Variants in MXD1 observed in about 807,000 individuals in gnomAD.
MXD1 encodes MAX dimerization protein 1, also known as MAX-binding protein.
A neutral mutation model predicts 25.7 loss-of-function variants in MXD1; 9 were observed. That is an observed-to-expected ratio of 0.35 (90% CI 0.21 to 0.61). The LOEUF is 0.61. Among genes scored for constraint, MXD1 ranks in the 20% least tolerant of loss-of-function variants. The pLI is 0.75. For missense variants in MXD1, 227 were observed against 292.4 expected (o/e 0.78, Z 1.63); for synonymous variants, 99 against 113.9 (o/e 0.87, Z 0.83).
chr2:69,930,390 T>C (rs1677256686), intron 3 of MXD1, among the ~76,000 whole-genome samples: 1 of 152,196 alleles, frequency 6.6e-6, no homozygotes, highest in Non-Finnish European at 1.5e-5. Flanking sequence ...TCAGGACACT[T>C]GCTCCTGCAG....
chr2:69,937,525 A>G, intron 5 of MXD1, 131 bp downstream of exon 5: 1 of 860,168 alleles, frequency 1.2e-6, no homozygotes. Context: ...GAAGTCGAAC[A>G]GTGTGACCTC....
chr2:69,934,361 G>C (rs2104202999), intron 3 of MXD1, among the ~76,000 whole-genome samples: 1 of 152,296 alleles, frequency 6.6e-6, no homozygotes, highest in East Asian at 1.9e-4. Context: ...CTAGAATAAA[G>C]CACAAACCAT....
chr2:69,934,743 T>C (rs1275545645), intron 3 of MXD1, among the ~76,000 whole-genome samples: 1 of 152,234 alleles, frequency 6.6e-6, no homozygotes, highest in East Asian at 1.9e-4. Flanking sequence ...CTGGAAAATC[T>C]TTCCTAATAG....
chr2:69,925,370 A>C (rs1262469835), intron 3 of MXD1, among the ~76,000 whole-genome samples: 2 of 152,188 alleles, frequency 1.3e-5, no homozygotes, highest in Non-Finnish European at 2.9e-5. Flanking sequence ...CACTCAGAGA[A>C]AACCAATGGA....
rs1677327519 is a variant in MXD1, at chr2:69,932,979, G to T, written c.204-2372G>T. On this transcript the variant is annotated intron_variant, in intron 3 of 5. Transcript: ENST00000264444. The stretch of plus-strand genomic sequence containing the variant: ...TTTGGGAGGCTGAGGCAGGCAGATT[G>T]CTTGAGGTCAGGAGTTCGAGACCAG... Among the ~76,000 whole-genome samples the T allele has an allele frequency of 2.0e-5, 3 of 152,064 alleles. No individual in the cohort carries two copies. In the South Asian group the frequency reaches 6.2e-4, roughly 32 times the overall value.
chr2:69,915,283 C>A lies in MXD1; in HGVS notation c.-48C>A. On this transcript the variant is annotated 5_prime_UTR_variant, in exon 1 of 6. Transcript: ENST00000264444. The surrounding 1 kb of genome is among the most constrained non-coding windows in gnomAD (Gnocchi z 5.8). ...ACAGCGGTCCGGCGGCGGCAGCGAG[C>A]CCGTGGGCAGTGGGGGTTGGTCCCG... The A allele has an allele frequency of 7.7e-7, 1 of 1,296,138 alleles. No individual in the cohort carries two copies. Among genetic ancestry groups the A allele is most frequent in the South Asian group, 2.4e-5 (1 of 40,946 alleles). The allele number at this position is 1,296,138 out of a possible 1,614,324, so 80.3% of individuals were successfully genotyped here. A position where few individuals can be genotyped will look rare whatever the true frequency, so the allele number is the denominator to read the frequency against.
In MXD1 at chr2:69,915,232, C is replaced by T; in HGVS notation, c.-99C>T. On this transcript the variant is annotated 5_prime_UTR_variant, in exon 1 of 6. Coordinates refer to ENST00000264444, the MANE Select transcript of MXD1 (RefSeq NM_002357.4). This position sits in a 1 kb window ranked among gnomAD's most constrained non-coding sequence, Gnocchi z 5.8. ...TGCTCCGCGGGGTCCACAGCGGGCT[C>T]CACAGCGGGCTCCATAGCGGGCTCC... is the stretch of plus-strand genomic sequence containing the variant. 8.9e-7 allele frequency: 1 copy of T among 1,118,480 alleles called. No homozygotes were observed. Among genetic ancestry groups the T allele is most frequent in the Non-Finnish European group, 1.2e-6 (1 of 862,148 alleles). 69.3% of individuals were successfully genotyped at this position (1,118,480 alleles called of 1,614,324 possible). A position where few individuals can be genotyped will look rare whatever the true frequency, so the allele number is the denominator to read the frequency against.
chr2:69,928,703 CAAA>C (rs35921399), intron 3 of MXD1, among the ~76,000 whole-genome samples: 12 of 128,152 alleles, frequency 9.4e-5, no homozygotes, highest in Admixed American at 1.6e-4. Flanking sequence ...CCATCTGTAC[CAAA>C]AAAAAAAAAA....
At chr2:69,931,216 T>C (rs984756219) in intron 3 of MXD1, among the ~76,000 whole-genome samples, 4 of 152,168 alleles carry the variant, frequency 2.6e-5, no homozygotes, top group African/African-American at 9.7e-5. Flanking sequence ...TTTAAAAATA[T>C]ACAATTATTT....
rs1297939414 is a variant in MXD1 at position 69,940,902 on chromosome 2, GC to G, written c.*2621del. ...CCGCGCCCCGTGCGGCTGATCGGCAGCCCTGATTCGCCAATTTGTCCTCTCT... is the reference window on the plus strand; with the variant it reads ...CCGCGCCCCGTGCGGCTGATCGGCAGCCTGATTCGCCAATTTGTCCTCTCT... On this transcript the variant is annotated 3_prime_UTR_variant, in exon 6 of 6. Transcript: ENST00000264444. The G allele has an allele frequency of 6.5e-6, 1 of 152,712 alleles. No individual in the cohort carries two copies. The highest frequency in any genetic ancestry group is 1.5e-5 in the Non-Finnish European group (1 of 68,084). The allele number at this position is 152,712 out of a possible 1,614,324, so 9.5% of individuals were successfully genotyped here. A position where few individuals can be genotyped will look rare whatever the true frequency, so the allele number is the denominator to read the frequency against.
At chr2:69,923,052 A>C (rs1001622992) in intron 3 of MXD1, among the ~76,000 whole-genome samples, 1 of 150,854 alleles carries the variant, frequency 6.6e-6, no homozygotes, top group African/African-American at 2.5e-5. Flanking sequence ...AAAAAAAAAA[A>C]AAACACACAA....
chr2:69,916,042 G>GA, intron 1 of MXD1, 79 bp from the exon 2 acceptor site: 2 of 774,740 alleles, frequency 2.6e-6, no homozygotes, highest in South Asian at 3.2e-5. Context: ...ATAAATAAAG[G>GA]AAAAAGGAAA....
chr2:69,932,426 G>T (rs894404349), intron 3 of MXD1, among the ~76,000 whole-genome samples: 2 of 152,186 alleles, frequency 1.3e-5, no homozygotes, highest in Non-Finnish European at 2.9e-5. Context: ...GCAGGCAGTG[G>T]CATGTGGGCA....
chr2:69,933,961 G>T (rs1038537325), intron 3 of MXD1, among the ~76,000 whole-genome samples: 9 of 152,216 alleles, frequency 5.9e-5, no homozygotes, highest in Non-Finnish European at 7.3e-5. Context: ...AAAACCTGAA[G>T]ACTCTGAGCA....
chr2:69,915,200 T>C lies in MXD1; in HGVS notation c.-131T>C. The stretch of plus-strand genomic sequence containing the variant: ...GAGCGTGGTTGCCAGAGAGGCTCCC[T>C]CAGCCCTGCTCCGCGGGGTCCACAG... On this transcript the variant is annotated 5_prime_UTR_variant, in exon 1 of 6. Transcript: ENST00000264444. This position sits in a 1 kb window ranked among gnomAD's most constrained non-coding sequence, Gnocchi z 5.8. 1 of 793,922 alleles carries C rather than the reference T, an allele frequency of 1.3e-6. No homozygotes were observed. Among genetic ancestry groups the C allele is most frequent in the Non-Finnish European group, 1.7e-6 (1 of 574,512 alleles). 49.2% of individuals were successfully genotyped at this position (793,922 alleles called of 1,614,324 possible).
At chr2:69,922,147 C>T (rs1425715707) in intron 3 of MXD1, among the ~76,000 whole-genome samples, 1 of 152,090 alleles carries the variant, frequency 6.6e-6, no homozygotes, top group South Asian at 2.1e-4. Flanking sequence ...ACATAATATA[C>T]ATGTAAGTAT....
At chr2:69,921,894 C>T (rs754153258) in intron 3 of MXD1, 129 bp downstream of exon 3, 9 of 823,874 alleles carry the variant, frequency 1.1e-5, no homozygotes, top group African/African-American at 1.8e-5. Flanking sequence ...CACCCAGCGC[C>T]CTCTAAGCAG....
chr2:69,916,130 A>G lies in MXD1; in HGVS notation c.83A>G (p.His28Arg). 1 of 1,609,604 alleles carries G rather than the reference A, an allele frequency of 6.2e-7. No homozygotes were observed. The highest frequency in any genetic ancestry group is 8.5e-7 in the Non-Finnish European group (1 of 1,176,014). ...TCCTCCTGTTTTCTAGAAGCTGAAC[A>G]TGGTTATGCCTCCATGTTACCATAC... ...YLERREREAE[H>R]GYASMLPYNN... The change falls in exon 2 of 6, where the codon CAT becomes CGT. Residue 28 changes from histidine to arginine, a missense_variant. Transcript: ENST00000264444.
Position 69,941,882 on chromosome 2 carries a change from ACACATAT to A in MXD1, c.*3599_*3605del, listed in dbSNP as rs1677613261. On this transcript the variant is annotated 3_prime_UTR_variant, in exon 6 of 6. Coordinates refer to ENST00000264444, the MANE Select transcript of MXD1 (RefSeq NM_002357.4). ...TATATATACACACACACACACACAC[ACACATAT>A]TATTATTTAGGTTTTTATACCATAC... The A allele has an allele frequency of 6.6e-6, 1 of 152,124 alleles. No individual in the cohort carries two copies. Among genetic ancestry groups the A allele is most frequent in the African/African-American group, 2.4e-5 (1 of 41,418 alleles). The allele number at this position is 152,124 out of a possible 1,614,324, so 9.4% of individuals were successfully genotyped here. A position where few individuals can be genotyped will look rare whatever the true frequency, so the allele number is the denominator to read the frequency against.
Sources: allele counts gnomAD v4.1 joint callset (sites outside exome capture counted in the v4.1 genomes callset), GRCh38; gene constraint gnomAD v4.1.1; non-coding constraint Gnocchi (gnomAD v3.1); transcripts MANE v1.5; gene names NCBI Gene and HGNC (gene_info 2026-07-23, HGNC 2026-07-21).